Variants in HAUS1 observed in about 807,000 individuals in gnomAD.
HAUS1 encodes HAUS augmin-like complex subunit 1.
HAUS1 carries 25 observed loss-of-function variants against 38.6 expected under a neutral mutation model. That is an observed-to-expected ratio of 0.65 (90% confidence interval 0.47 to 0.91). The LOEUF is 0.91. Among genes scored for constraint, HAUS1 ranks in the 40% least tolerant of loss-of-function variants. The pLI, the probability that HAUS1 is intolerant of heterozygous loss-of-function variation, is 0.00. For missense variants in HAUS1, 325 were observed against 328.4 expected (o/e 0.99, Z 0.08); for synonymous variants, 109 against 112.9 (o/e 0.97, Z 0.22).
Position 46,122,519 on chromosome 18 carries a change from A to C in HAUS1, c.529A>C (p.Asn177His), listed in dbSNP as rs141778857. Reference sequence around the variant, plus strand: ...GTCTACAGAAAGGGCCAAAGTTGATAATCGTCGTCAGAACATGGACTTTCT... The same window carrying C: ...GTCTACAGAAAGGGCCAAAGTTGATCATCGTCGTCAGAACATGGACTTTCT... ...HLSTERAKVD[N>H]RRQNMDFLKA... The change falls in exon 5 of 9, where the codon AAT (asparagine) becomes CAT (histidine). Residue 177 changes from asparagine to histidine, a missense_variant. By Grantham distance (68) the Asn-to-His change is moderately conservative (BLOSUM62 1). Transcript: ENST00000282058. The C allele has an allele frequency of 1.9e-5, 31 of 1,613,996 alleles. No individual in the cohort carries two copies. The African/African-American group carries it at 3.3e-4, about 17-fold the overall frequency.
Position 46,125,788 on chromosome 18 carries a change from A to G in HAUS1, c.783A>G (p.Glu261=). 1 of 1,588,490 alleles carries G rather than the reference A, an allele frequency of 6.3e-7. No homozygotes were observed. Among genetic ancestry groups the G allele is most frequent in the East Asian group, 2.2e-5 (1 of 44,726 alleles). The part of the protein sequence containing the change: ...AQVKIEEAKR[E]LDSIEAELTR... ...TGAAAATTGAAGAAGCAAAGCGAGAACTAGTAAGTAGTTCCTGTAATTTTT... is the reference window on the plus strand; with the variant it reads ...TGAAAATTGAAGAAGCAAAGCGAGAGCTAGTAAGTAGTTCCTGTAATTTTT... The change falls in exon 8 of 9, where the codon GAA becomes GAG. Residue 261 remains glutamate, a synonymous_variant. Coordinates refer to ENST00000282058, the MANE Select transcript of HAUS1 (RefSeq NM_138443.4).
At chr18:46,119,161 G>T (rs993119088) in intron 3 of HAUS1, among the ~76,000 whole-genome samples, 3 of 152,072 alleles carry the variant, frequency 2.0e-5, no homozygotes, top group African/African-American at 4.8e-5. Context: ...GAGCCACTGC[G>T]CCCGGTAGAA....
rs1175444259 is a variant in HAUS1, at chr18:46,112,173, C to T, written c.206-6008C>T. Among the ~76,000 whole-genome samples, 4 of 148,510 alleles carry T rather than the reference C, an allele frequency of 2.7e-5. No individual in the cohort carries two copies. The Admixed American group carries it at 2.7e-4, about 10-fold the overall frequency. On this transcript the variant is annotated intron_variant, in intron 2 of 8. Coordinates refer to ENST00000282058, the MANE Select transcript of HAUS1 (RefSeq NM_138443.4). The stretch of plus-strand genomic sequence containing the variant: ...GTGCTGGGATTACAGGCGTGAACTA[C>T]CGCACCTGGCCTTTCATTTTCCTTT...
chr18:46,105,551 TG>T, intron 2 of HAUS1, 183 bp downstream of exon 2: 2 of 43,780 alleles, frequency 4.6e-5, no homozygotes, highest in African/African-American at 1.2e-4. Flanking sequence ...TGTATATGTA[TG>T]TGTGTGTGTG....
rs576204316 is a variant in HAUS1, at chr18:46,114,116, G to A, written c.206-4065G>A. On this transcript the variant is annotated intron_variant, in intron 2 of 8. Coordinates refer to ENST00000282058, the MANE Select transcript of HAUS1 (RefSeq NM_138443.4). ...CTTAGAGGAATAGTTTCTGAGGTCA[G>A]TTAGATATTTGTTTTATCTTCTGGA... is the stretch of plus-strand genomic sequence containing the variant. Among the ~76,000 whole-genome samples the A allele has an allele frequency of 1.6e-4, 24 of 152,330 alleles. No homozygotes were observed. The South Asian group carries it at 4.8e-3, about 30-fold the overall frequency.
chr18:46,123,257 CAAATAA>C (rs1568266556), intron 5 of HAUS1, 36 bp from the exon 6 acceptor site: 9 of 1,331,972 alleles, frequency 6.8e-6, no homozygotes, highest in Non-Finnish European at 9.5e-6. Flanking sequence ...GGTCACTTTT[CAAATAA>C]TTTTTTAACT....
Position 46,128,217 on chromosome 18 carries a change from A to C in HAUS1, c.*92A>C. ...TCCTCTTGGCATTTCCTAATAACAAAACTTTCTGTGTTCTTAGATTACAGA... is the reference window on the plus strand; with the variant it reads ...TCCTCTTGGCATTTCCTAATAACAACACTTTCTGTGTTCTTAGATTACAGA... On this transcript the variant is annotated 3_prime_UTR_variant, in exon 9 of 9. Coordinates refer to ENST00000282058, the MANE Select transcript of HAUS1 (RefSeq NM_138443.4). The C allele has an allele frequency of 1.5e-6, 1 of 668,334 alleles. No individual in the cohort carries two copies. Among genetic ancestry groups the C allele is most frequent in the Non-Finnish European group, 2.5e-6 (1 of 404,068 alleles). 41.4% of individuals were successfully genotyped at this position (668,334 alleles called of 1,614,324 possible).
intron 3 of HAUS1, among the ~76,000 whole-genome samples, chr18:46,118,811 T>A (rs975437068): frequency 6.6e-6 from 1 of 152,184 alleles, no homozygotes; most frequent in African/African-American, 2.4e-5. Context: ...ACCAGTCTTA[T>A]AAAGTTCATA....
At chr18:46,124,175 A>G (rs1266618145) in intron 6 of HAUS1, among the ~76,000 whole-genome samples, 1 of 151,280 alleles carries the variant, frequency 6.6e-6, no homozygotes, top group African/African-American at 2.4e-5. Context: ...TTTGGGAGGC[A>G]GAGGCAGGAA....
At position 46,104,432 on chromosome 18, in the gene HAUS1, AG is replaced by A; in HGVS notation, c.22del (p.Glu8LysfsTer8). On this transcript the variant is annotated frameshift_variant, in exon 1 of 9. Transcript: ENST00000282058. LOFTEE classifies it high-confidence loss of function. The stretch of plus-strand genomic sequence containing the variant: ...CAGCTATGGAGCCGCAGGAGGAGAG[AG>A]AAACGCAGGTGATGGGGCGGGAATG... MEPQEERETQVAAWLKKI... is the reference protein window; with the variant it reads MEPQEERXTQVAAWLKKI... The A allele has an allele frequency of 6.8e-7, 1 of 1,466,998 alleles. No individual in the cohort carries two copies. The highest frequency in any genetic ancestry group is 9.1e-7 in the Non-Finnish European group (1 of 1,099,736). 90.9% of individuals were successfully genotyped at this position (1,466,998 alleles called of 1,614,324 possible). A position where few individuals can be genotyped will look rare whatever the true frequency, so the allele number is the denominator to read the frequency against.
At chr18:46,118,790 T>C (rs1207264025) in intron 3 of HAUS1, among the ~76,000 whole-genome samples, 1 of 152,210 alleles carries the variant, frequency 6.6e-6, no homozygotes, top group African/African-American at 2.4e-5. Flanking sequence ...ATGGCAGAGC[T>C]GAGATTCAAA....
rs1206714283 is a variant in HAUS1 at position 46,119,928 on chromosome 18, T to G, written c.344T>G (p.Phe115Cys). The G allele has an allele frequency of 6.3e-7, 1 of 1,584,450 alleles. No homozygotes were observed. The highest frequency in any genetic ancestry group is 8.5e-7 in the Non-Finnish European group (1 of 1,171,074). The change falls in exon 4 of 9, where the codon TTT becomes TGT. Residue 115 changes from phenylalanine (F) to cysteine (C), a missense_variant and splice_region_variant. Physicochemically the swap from Phe to Cys is radical, Grantham distance 205. Coordinates refer to ENST00000282058, the MANE Select transcript of HAUS1 (RefSeq NM_138443.4). ...ATATGACCAGATTCTTCTTTTAGTT[T>G]TATCCCTGCAGTGAATGATTTGACC... Reference protein sequence around the residue: ...LETKDTSLASFIPAVNDLTSD... With the variant: ...LETKDTSLASCIPAVNDLTSD...
chr18:46,105,130 A>G lies in HAUS1; in HGVS notation c.31-64A>G, dbSNP rs1373918856. On this transcript the variant is annotated intron_variant, in intron 1 of 8. Transcript: ENST00000282058. ...GTTTGCTTTTGATCACTTCTTTGTC[A>G]TATTCTCATCGAGCCATTACAGTAA... The G allele has an allele frequency of 4.0e-6, 5 of 1,247,238 alleles. No individual in the cohort carries two copies. In the Admixed American group the frequency reaches 8.8e-5, roughly 22 times the overall value. 77.3% of individuals were successfully genotyped at this position (1,247,238 alleles called of 1,614,324 possible).
chr18:46,117,194 T>G (rs1911817751), intron 2 of HAUS1, among the ~76,000 whole-genome samples: 1 of 152,126 alleles, frequency 6.6e-6, no homozygotes, highest in Non-Finnish European at 1.5e-5. Context: ...CCAAGAGAAA[T>G]GAAAACATAT....
In HAUS1 at chr18:46,117,957, TAAAG is replaced by T. The variant is rs1033541477; in HGVS notation, c.206-220_206-217del. On this transcript the variant is annotated intron_variant, in intron 2 of 8. Coordinates refer to ENST00000282058, the MANE Select transcript of HAUS1 (RefSeq NM_138443.4). ...CGAGACTCCATTTCAAAAAGAAAAA[TAAAG>T]AAAAATAAAGTGATGACTAAGGGAT... is the stretch of plus-strand genomic sequence containing the variant. 1.7e-4 allele frequency among the ~76,000 whole-genome samples: 25 copies of T among 151,318 alleles called. 1 individual carries two copies. Among genetic ancestry groups the T allele is most frequent in the South Asian group, 4.2e-4 (2 of 4,794 alleles).
Position 46,128,230 on chromosome 18 carries a change from C to A in HAUS1, c.*105C>A. The stretch of plus-strand genomic sequence containing the variant: ...TCCTAATAACAAAACTTTCTGTGTT[C>A]TTAGATTACAGAATATCATAATTGA... On this transcript the variant is annotated 3_prime_UTR_variant, in exon 9 of 9. Transcript: ENST00000282058. The A allele has an allele frequency of 1.7e-6, 1 of 578,168 alleles. No homozygotes were observed. The highest frequency in any genetic ancestry group is 3.0e-6 in the Non-Finnish European group (1 of 336,468). The allele number at this position is 578,168 out of a possible 1,614,324, so 35.8% of individuals were successfully genotyped here. A position where few individuals can be genotyped will look rare whatever the true frequency, so the allele number is the denominator to read the frequency against.
intron 2 of HAUS1, among the ~76,000 whole-genome samples, chr18:46,110,333 G>GT (rs71160713): frequency 0.085 from 4,252 of 49,874 alleles, 727 homozygotes; most frequent in Non-Finnish European, 0.095. Flanking sequence ...TTTTTTTAAG[G>GT]TTTTTTTTTT....
At chr18:46,122,031 AG>A (rs1453093078) in intron 4 of HAUS1, among the ~76,000 whole-genome samples, 1 of 151,954 alleles carries the variant, frequency 6.6e-6, no homozygotes, top group Non-Finnish European at 1.5e-5. Context: ...TAGTAAAGAC[AG>A]GGTTTCACCA....
intron 2 of HAUS1, among the ~76,000 whole-genome samples, chr18:46,108,208 T>G (rs1163471944): frequency 6.6e-6 from 1 of 151,880 alleles, no homozygotes; most frequent in African/African-American, 2.4e-5. Flanking sequence ...TCTTCACCAT[T>G]AAGTGTAATG....
Sources: gnomAD v4.1 joint callset for allele counts (sites outside exome capture counted in the v4.1 genomes callset) on GRCh38, gnomAD v4.1.1 for gene constraint, MANE v1.5 for transcripts, NCBI Gene and HGNC (gene_info 2026-07-23, HGNC 2026-07-21) for gene names.